ABCA13: variants seen among roughly 807,000 people sequenced by gnomAD.
ABCA13 encodes ATP-binding cassette sub-family A member 13.
ABCA13 carries 476 observed loss-of-function variants against 478.7 expected under a neutral mutation model. The observed-to-expected ratio is 0.99, with a 90% CI of 0.92 to 1.07. The LOEUF is 1.07. Ranked by LOEUF, ABCA13 falls within the 50% of genes least tolerant of loss-of-function variation. The pLI, the probability that ABCA13 is intolerant of heterozygous loss-of-function variation, is 0.00. For missense variants in ABCA13, 6,060 were observed against 5,910.6 expected, an observed-to-expected ratio of 1.03 and a Z score of -0.83; for synonymous variants, 2,252 against 2,158.9, an observed-to-expected ratio of 1.04 and a Z score of -1.20.
At position 48,543,387 on chromosome 7, in the gene ABCA13, G is replaced by A. The variant is rs749139414; in HGVS notation, c.14354+15042G>A. Reference sequence around the variant, plus strand: ...GCCTGTAATCCTAGCACTTTGGGAGGCCGAGGCAGGCAGATTGACTGAGGT... The same window carrying A: ...GCCTGTAATCCTAGCACTTTGGGAGACCGAGGCAGGCAGATTGACTGAGGT... On this transcript the variant is annotated intron_variant, in intron 55 of 61. Coordinates refer to ENST00000435803, the MANE Select transcript of ABCA13 (RefSeq NM_152701.5). Among the ~76,000 whole-genome samples the A allele has an allele frequency of 4.7e-4, 71 of 151,890 alleles. 3 individuals carry two copies. Among genetic ancestry groups the A allele is most frequent in the Admixed American group, 3.4e-3 (52 of 15,216 alleles).
intron 8 of ABCA13, among the ~76,000 whole-genome samples, chr7:48,238,482 T>TC (rs1790303742): frequency 6.9e-6 from 1 of 145,416 alleles, no homozygotes; most frequent in African/African-American, 2.5e-5. Flanking sequence ...TTTTTTTTTT[T>TC]CTTTAAGACA....
At chr7:48,206,855 A>T (rs1177064197) in intron 3 of ABCA13, among the ~76,000 whole-genome samples, 1 of 152,052 alleles carries the variant, frequency 6.6e-6, no homozygotes, top group Non-Finnish European at 1.5e-5. Flanking sequence ...AATATGTAAT[A>T]AATTATTGTT....
chr7:48,339,131 T>G (rs1317531217), intron 29 of ABCA13, among the ~76,000 whole-genome samples: 2 of 152,142 alleles, frequency 1.3e-5, no homozygotes, highest in Non-Finnish European at 2.9e-5. Context: ...TGTCAGGCTG[T>G]TCCAGGTCCC....
At chr7:48,296,119 G>C (rs969202842) in intron 21 of ABCA13, among the ~76,000 whole-genome samples, 3 of 152,190 alleles carry the variant, frequency 2.0e-5, no homozygotes, top group Admixed American at 6.5e-5. Context: ...CACAACGCTT[G>C]GTGGCAAATG....
chr7:48,645,384 A>G (rs1039680992), intron 61 of ABCA13, 33 bp from the exon 62 acceptor site: 5 of 1,510,302 alleles, frequency 3.3e-6, no homozygotes, highest in African/African-American at 2.8e-5. Flanking sequence ...TTGTATTCTT[A>G]TAAGTAAACA....
chr7:48,285,175 T>A (rs796795348), intron 19 of ABCA13, among the ~76,000 whole-genome samples: 1 of 151,922 alleles, frequency 6.6e-6, no homozygotes, highest in Non-Finnish European at 1.5e-5. Flanking sequence ...GGTTTCAGAG[T>A]GAAGCAGTCA....
chr7:48,440,109 A>T (rs942911180), intron 42 of ABCA13, among the ~76,000 whole-genome samples: 2 of 152,178 alleles, frequency 1.3e-5, no homozygotes, highest in African/African-American at 2.4e-5. Context: ...TAGTGTTCTA[A>T]ATTTATTTTC....
At chr7:48,403,964 T>A (rs765369781) in intron 39 of ABCA13, 85 bp downstream of exon 39, 55 of 1,459,512 alleles carry the variant, frequency 3.8e-5, no homozygotes, top group Non-Finnish European at 4.9e-5. Context: ...AGAATCAAGT[T>A]GTATCCCAGT....
chr7:48,315,496 T>C (rs1235565559), intron 26 of ABCA13, among the ~76,000 whole-genome samples: 2 of 152,222 alleles, frequency 1.3e-5, no homozygotes, highest in East Asian at 3.9e-4. Flanking sequence ...TTTTTTTTTT[T>C]TGAGACGGAG....
chr7:48,228,653 G>T (rs1003566260), intron 6 of ABCA13, among the ~76,000 whole-genome samples: 1 of 152,178 alleles, frequency 6.6e-6, no homozygotes, highest in African/African-American at 2.4e-5. Context: ...ATTCTGGTGC[G>T]TAACTCTGAG....
chr7:48,214,083 C>T (rs1217174892), intron 3 of ABCA13, among the ~76,000 whole-genome samples: 4 of 152,172 alleles, frequency 2.6e-5, no homozygotes, highest in African/African-American at 9.6e-5. Flanking sequence ...TTACTTCTTG[C>T]TCCACGTGCT....
intron 2 of ABCA13, among the ~76,000 whole-genome samples, chr7:48,194,069 AT>A (rs1797557632): frequency 1.8e-4 from 1 of 5,512 alleles, no homozygotes; most frequent in African/African-American, 9.6e-4. Flanking sequence ...GATGATGATG[AT>A]GATGATAATG....
chr7:48,488,248 T>TC (rs949488564), intron 47 of ABCA13, among the ~76,000 whole-genome samples: 12 of 151,478 alleles, frequency 7.9e-5, no homozygotes, highest in African/African-American at 2.9e-4. Flanking sequence ...TTTTTTTTTT[T>TC]CTCTTTTTGG....
In ABCA13 at chr7:48,497,510, T is replaced by C. The variant is rs188465482; in HGVS notation, c.13291+8166T>C. Among the ~76,000 whole-genome samples, 56 of 152,296 alleles carry C rather than the reference T, an allele frequency of 3.7e-4. 1 individual carries two copies. Among genetic ancestry groups the C allele is most frequent in the African/African-American group, 1.2e-3 (51 of 41,568 alleles). ...TGTATCCTAGGCATTTTGGAAACTG[T>C]AATATGTGACTCTGGATTCCTTTTC... On this transcript the variant is annotated intron_variant, in intron 48 of 61. Coordinates refer to ENST00000435803, the MANE Select transcript of ABCA13 (RefSeq NM_152701.5).
intron 8 of ABCA13, among the ~76,000 whole-genome samples, chr7:48,238,042 A>G (rs1166279416): frequency 5.3e-5 from 8 of 152,372 alleles, no homozygotes; most frequent in Admixed American, 5.2e-4. Flanking sequence ...AAGTGAACAC[A>G]TGGGACTAAA....
intron 27 of ABCA13, among the ~76,000 whole-genome samples, chr7:48,319,861 A>T (rs1392244236): frequency 6.6e-6 from 1 of 152,176 alleles, no homozygotes; most frequent in African/African-American, 2.4e-5. Flanking sequence ...ATTTTCAGTC[A>T]TCTGGGAGAC....
At chr7:48,176,917 A>AGC (rs972863856) in intron 1 of ABCA13, among the ~76,000 whole-genome samples, 3 of 152,182 alleles carry the variant, frequency 2.0e-5, no homozygotes, top group African/African-American at 7.2e-5. Flanking sequence ...TTTTGTGTGT[A>AGC]TATGTGTGTG....
At chr7:48,432,318 T>G (rs1304492392) in intron 42 of ABCA13, among the ~76,000 whole-genome samples, 1 of 152,084 alleles carries the variant, frequency 6.6e-6, no homozygotes, top group African/African-American at 2.4e-5. Context: ...AGACAAAAGA[T>G]AACACATGCT....
chr7:48,539,317 T>C (rs75844987), intron 55 of ABCA13, among the ~76,000 whole-genome samples: 1 of 119,934 alleles, frequency 8.3e-6, no homozygotes, highest in Non-Finnish European at 1.7e-5. Flanking sequence ...GTCTTTAGTC[T>C]TTTTTTTTTT....
Sources: allele counts gnomAD v4.1 joint callset (sites outside exome capture counted in the v4.1 genomes callset), GRCh38; gene constraint gnomAD v4.1.1; transcripts MANE v1.5; gene names NCBI Gene and HGNC (gene_info 2026-07-23, HGNC 2026-07-21).